Variants in DPP10 observed in about 807,000 individuals in gnomAD.
The protein encoded by DPP10 is dipeptidyl peptidase like 10.
A neutral mutation model predicts 120.9 loss-of-function variants in DPP10; 33 were observed. The ratio of observed to expected loss-of-function variants is 0.27; its 90% CI spans 0.21 to 0.37. The LOEUF is 0.37. Ranked by LOEUF, DPP10 falls within the 10% of genes least tolerant of loss-of-function variation. The pLI, the probability that DPP10 is intolerant of heterozygous loss-of-function variation, is 1.00. For synonymous variants in DPP10, 337 were observed against 326.1 expected (o/e 1.03, Z -0.36); for missense variants, 816 against 942.8 (o/e 0.87, Z 1.76).
At chr2:114,882,627 G>A (rs757486427) in intron 1 of DPP10, among the ~76,000 whole-genome samples, 11 of 151,782 alleles carry the variant, frequency 7.2e-5, no homozygotes, top group Non-Finnish European at 1.0e-4. Flanking sequence ...TAAAATCACC[G>A]CTAAAGAACT....
At chr2:114,909,885 A>C (rs975549769) in intron 1 of DPP10, among the ~76,000 whole-genome samples, 1 of 151,954 alleles carries the variant, frequency 6.6e-6, no homozygotes, top group African/African-American at 2.4e-5. Flanking sequence ...ACATCTAAAA[A>C]AATAAGCCGC....
intron 5 of DPP10, among the ~76,000 whole-genome samples, chr2:115,667,692 A>G (rs563089349): frequency 7.9e-5 from 12 of 152,144 alleles, no homozygotes; most frequent in African/African-American, 2.6e-4. Context: ...CCATTGGTCT[A>G]TGTGTCTGTT....
chr2:115,339,520 CTTTATT>C (rs927728389), intron 2 of DPP10, among the ~76,000 whole-genome samples: 1 of 152,034 alleles, frequency 6.6e-6, no homozygotes, highest in Non-Finnish European at 1.5e-5. Flanking sequence ...TTTATAGTAA[CTTTATT>C]TTTAATATCC....
chr2:115,709,400 C>A (rs181019711), intron 7 of DPP10, among the ~76,000 whole-genome samples: 1 of 152,118 alleles, frequency 6.6e-6, no homozygotes, highest in Admixed American at 6.6e-5. Context: ...CAGAATTTTC[C>A]GACGAAGTCT....
chr2:115,492,107 G>T (rs184223082), intron 3 of DPP10, among the ~76,000 whole-genome samples: 7 of 152,004 alleles, frequency 4.6e-5, no homozygotes, highest in Non-Finnish European at 1.0e-4. Flanking sequence ...ATATATGATC[G>T]ATGTGGTCAA....
intron 1 of DPP10, among the ~76,000 whole-genome samples, chr2:114,487,207 C>T (rs534327260): frequency 3.3e-5 from 5 of 152,174 alleles, no homozygotes; most frequent in East Asian, 1.9e-4. Flanking sequence ...ATTTCCTGTA[C>T]GGATAGTTGC....
At chr2:115,105,433 G>C (rs1394438494) in intron 1 of DPP10, among the ~76,000 whole-genome samples, 1 of 148,428 alleles carries the variant, frequency 6.7e-6, no homozygotes, top group Non-Finnish European at 1.5e-5. Context: ...GAGAGAGAGA[G>C]AGAGAGAGAG....
At chr2:115,425,817 C>T (rs542944231) in intron 3 of DPP10, among the ~76,000 whole-genome samples, 1 of 152,274 alleles carries the variant, frequency 6.6e-6, no homozygotes, top group South Asian at 2.1e-4. Context: ...CGGGCATCTG[C>T]TCAGCTTCTG....
At chr2:114,506,361 C>G (rs1365944174) in intron 1 of DPP10, among the ~76,000 whole-genome samples, 1 of 152,178 alleles carries the variant, frequency 6.6e-6, no homozygotes, top group African/African-American at 2.4e-5. Context: ...GCTCCCCTTC[C>G]TGCTGAGAGC....
At chr2:114,867,125 A>G (rs898940288) in intron 1 of DPP10, among the ~76,000 whole-genome samples, 1 of 152,178 alleles carries the variant, frequency 6.6e-6, no homozygotes, top group African/African-American at 2.4e-5. Flanking sequence ...CTTCTGGCTT[A>G]AATCAAATGA....
At chr2:115,450,018 G>T (rs1395333834) in intron 3 of DPP10, among the ~76,000 whole-genome samples, 1 of 151,884 alleles carries the variant, frequency 6.6e-6, no homozygotes, top group Non-Finnish European at 1.5e-5. Context: ...ATAAATTGAG[G>T]CCTCTTGAAT....
At chr2:114,969,394 G>T (rs6742611) in intron 1 of DPP10, among the ~76,000 whole-genome samples, 38,970 of 151,988 alleles carry the variant, frequency 0.26, 5,055 homozygotes, top group East Asian at 0.34. Flanking sequence ...TAAGGTCATT[G>T]TTTAAATTTT....
chr2:115,109,990 G>C (rs565288615), intron 1 of DPP10, among the ~76,000 whole-genome samples: 1 of 152,192 alleles, frequency 6.6e-6, no homozygotes, highest in Non-Finnish European at 1.5e-5. Flanking sequence ...AACTTAGCAA[G>C]TATGAGCCTC....
chr2:114,548,708 T>G (rs1311037857), intron 1 of DPP10, among the ~76,000 whole-genome samples: 2 of 152,194 alleles, frequency 1.3e-5, no homozygotes, highest in Non-Finnish European at 2.9e-5. Flanking sequence ...CTGTGAAGTC[T>G]TTTAGCGCCG....
intron 3 of DPP10, among the ~76,000 whole-genome samples, chr2:115,398,030 A>G (rs909611152): frequency 6.6e-6 from 1 of 152,198 alleles, no homozygotes; most frequent in African/African-American, 2.4e-5. Flanking sequence ...ATGTGATGAA[A>G]TTTATGGATG....
At chr2:114,459,921 G>A (rs933787625) in intron 1 of DPP10, among the ~76,000 whole-genome samples, 11 of 152,096 alleles carry the variant, frequency 7.2e-5, no homozygotes, top group Non-Finnish European at 1.2e-4. Context: ...TGGTCCGTGT[G>A]GTGACAGGTT....
intron 19 of DPP10, among the ~76,000 whole-genome samples, chr2:115,798,218 C>T (rs776198454): frequency 9.9e-5 from 15 of 151,754 alleles, no homozygotes; most frequent in Admixed American, 9.9e-4. Flanking sequence ...TTTAGATGGT[C>T]ATATAAATGT....
chr2:115,679,438 C>A (rs1048269837), intron 5 of DPP10, among the ~76,000 whole-genome samples: 1 of 152,144 alleles, frequency 6.6e-6, no homozygotes. Flanking sequence ...TTGTGAAGGA[C>A]ATGTTTGCTT....
At chr2:115,123,490 T>G (rs950118406) in intron 1 of DPP10, among the ~76,000 whole-genome samples, 1 of 152,172 alleles carries the variant, frequency 6.6e-6, no homozygotes. Flanking sequence ...TTTTCCCTTA[T>G]CAATCAACTG....
Sources: allele counts gnomAD v4.1 joint callset (sites outside exome capture counted in the v4.1 genomes callset), GRCh38; gene constraint gnomAD v4.1.1; transcripts MANE v1.5; gene names NCBI Gene and HGNC (gene_info 2026-07-23, HGNC 2026-07-21).